SIPA1L2: variants seen among roughly 807,000 people sequenced by gnomAD.
SIPA1L2 encodes signal-induced proliferation-associated 1-like protein 2.
Under a neutral mutation model 163.9 loss-of-function variants are expected in SIPA1L2, and 56 were observed. The observed-to-expected ratio is 0.34, with a 90% confidence interval of 0.28 to 0.43. The LOEUF (loss-of-function observed/expected upper bound fraction) is 0.43. SIPA1L2 is among the 20% of genes least tolerant of loss of function. The pLI is 1.00. For synonymous variants in SIPA1L2, 877 were observed against 865.7 expected, an observed-to-expected ratio of 1.01 and a Z score of -0.23; for missense variants, 1,974 against 2,193.5, an observed-to-expected ratio of 0.90 and a Z score of 2.00.
intron 1 of SIPA1L2, among the ~76,000 whole-genome samples, chr1:232,574,964 A>G (rs985416276): frequency 2.6e-5 from 4 of 152,216 alleles, no homozygotes; most frequent in Non-Finnish European, 5.9e-5. Context: ...CACTCAAGAG[A>G]CTGGTTATTT....
At chr1:232,462,325 A>G (rs930746245) in intron 9 of SIPA1L2, 6 of 1,544,628 alleles carry the variant, frequency 3.9e-6, no homozygotes, top group Non-Finnish European at 5.2e-6. Flanking sequence ...CCCAGAGGCA[A>G]TGTATGAAGT....
At position 232,398,955 on chromosome 1, in the gene SIPA1L2, G is replaced by T. The variant is rs1475502169; in HGVS notation, c.*172C>A. On this transcript the variant is annotated 3_prime_UTR_variant, in exon 23 of 23. Transcript: ENST00000674635. ...CACATCGGCGCTGCTCTCTGCCGTG[G>T]TTACCGAGAAAGAGTCGAGGCTCCC... The T allele has an allele frequency of 1.2e-6, 1 of 803,784 alleles. No homozygotes were observed. The highest frequency in any genetic ancestry group is 1.7e-5 in the African/African-American group (1 of 57,600). 49.8% of individuals were successfully genotyped at this position (803,784 alleles called of 1,614,324 possible). A position where few individuals can be genotyped will look rare whatever the true frequency, so the allele number is the denominator to read the frequency against.
At chr1:232,498,863 G>A (rs1029693188) in intron 3 of SIPA1L2, among the ~76,000 whole-genome samples, 1 of 152,110 alleles carries the variant, frequency 6.6e-6, no homozygotes, top group African/African-American at 2.4e-5. Context: ...TTGCCATGAG[G>A]GAGTGTACAC....
In SIPA1L2 at chr1:232,445,687, C is replaced by T. The variant is rs372853782; in HGVS notation, c.3195G>A (p.Thr1065=). The change falls in exon 11 of 23, where the codon ACG becomes ACA. Residue 1065 remains threonine (T), a synonymous_variant. Transcript: ENST00000674635. ...EYKTPFRRNT[T]WHRVPTPALQ... ...GGGCAGGAGTGGGCACCCGGTGCCA[C>T]GTGGTGTTCCTCCTGAAGGGGGTTT... The T allele has an allele frequency of 9.9e-6, 16 of 1,613,304 alleles. No individual in the cohort carries two copies. The highest frequency in any genetic ancestry group is 3.3e-5 in the South Asian group (3 of 91,018).
chr1:232,630,154 C>T (rs976089807), upstream of SIPA1L2, among the ~76,000 whole-genome samples: 1 of 151,480 alleles, frequency 6.6e-6, no homozygotes, highest in East Asian at 1.9e-4. Context: ...CTCCCGATGC[C>T]ACCGCCCGCC....
chr1:232,435,752 G>C (rs1204574156), intron 15 of SIPA1L2, among the ~76,000 whole-genome samples: 2 of 152,182 alleles, frequency 1.3e-5, no homozygotes, highest in African/African-American at 2.4e-5. Context: ...AAATGTGTTT[G>C]CTAAATTAAA....
At chr1:232,507,628 G>C (rs910885578) in intron 3 of SIPA1L2, among the ~76,000 whole-genome samples, 1 of 152,162 alleles carries the variant, frequency 6.6e-6, no homozygotes, top group Non-Finnish European at 1.5e-5. Flanking sequence ...TAGAGGTATT[G>C]CATCTACAAG....
At chr1:232,524,751 T>A (rs1485678027) in intron 2 of SIPA1L2, among the ~76,000 whole-genome samples, 1 of 152,130 alleles carries the variant, frequency 6.6e-6, no homozygotes, top group Non-Finnish European at 1.5e-5. Context: ...CAGAAAGGTT[T>A]ATATAAGGCA....
chr1:232,437,697 T>C (rs1226503030), intron 15 of SIPA1L2, among the ~76,000 whole-genome samples: 1 of 152,050 alleles, frequency 6.6e-6, no homozygotes, highest in Admixed American at 6.5e-5. Context: ...TGCTACCCCC[T>C]AACCACGTGA....
intron 15 of SIPA1L2, among the ~76,000 whole-genome samples, chr1:232,436,868 C>A (rs1476031400): frequency 6.6e-6 from 1 of 152,142 alleles, no homozygotes; most frequent in Non-Finnish European, 1.5e-5. Flanking sequence ...GCCTAGGATG[C>A]AAGTTGAAAT....
At chr1:232,600,030 C>T (rs1038263991) in intron 1 of SIPA1L2, among the ~76,000 whole-genome samples, 4 of 152,374 alleles carry the variant, frequency 2.6e-5, no homozygotes, top group East Asian at 1.9e-4. Flanking sequence ...TGCCAGAACA[C>T]GGGCACTAAT....
rs201643053 is a variant in SIPA1L2, at chr1:232,399,386, G to A, written c.5023-113C>T. On this transcript the variant is annotated intron_variant, in intron 22 of 22. Coordinates refer to ENST00000674635, the MANE Select transcript of SIPA1L2 (RefSeq NM_020808.5). ...ATTTTTACTTATGTACTTTTTGAGG[G>A]GAGAAGGGGTGACTTTCTTTAGTGA... is the stretch of plus-strand genomic sequence containing the variant. 8.1e-5 allele frequency: 96 copies of A among 1,192,298 alleles called. No individual in the cohort carries two copies. The East Asian group carries it at 2.4e-3, about 30-fold the overall frequency. 73.9% of individuals were successfully genotyped at this position (1,192,298 alleles called of 1,614,324 possible).
At chr1:232,627,976 AGT>A (rs914588152) in intron 1 of SIPA1L2, among the ~76,000 whole-genome samples, 14 of 152,214 alleles carry the variant, frequency 9.2e-5, no homozygotes, top group African/African-American at 3.4e-4. Context: ...GAACAAATTC[AGT>A]ATGTCTTATT....
At chr1:232,479,390 T>A (rs1207388515) in intron 7 of SIPA1L2, among the ~76,000 whole-genome samples, 1 of 152,222 alleles carries the variant, frequency 6.6e-6, no homozygotes. Flanking sequence ...AAGATTTTGC[T>A]TAGCAAGCAA....
chr1:232,435,690 G>T (rs1662519882), intron 15 of SIPA1L2, among the ~76,000 whole-genome samples: 2 of 152,148 alleles, frequency 1.3e-5, no homozygotes, highest in African/African-American at 2.4e-5. Flanking sequence ...CATAAATACT[G>T]CTTGGTATTC....
At chr1:232,598,135 C>T (rs1430309880) in intron 1 of SIPA1L2, among the ~76,000 whole-genome samples, 1 of 151,984 alleles carries the variant, frequency 6.6e-6, no homozygotes, top group Non-Finnish European at 1.5e-5. Flanking sequence ...GGCTCTGTGG[C>T]TCATGCCTGT....
rs537426732 is a variant in SIPA1L2, at chr1:232,480,156, T to C, written c.1982-426A>G. On this transcript the variant is annotated intron_variant, in intron 6 of 22. Coordinates refer to ENST00000674635, the MANE Select transcript of SIPA1L2 (RefSeq NM_020808.5). ...GGCCGCATCTGTGTGTGTGTGTGCG[T>C]GTGTGTGTGTGTGTGTGTGTGTGTG... Among the ~76,000 whole-genome samples the C allele has an allele frequency of 5.5e-3, 571 of 104,250 alleles. 2 individuals carry two copies. The highest frequency in any genetic ancestry group is 7.7e-3 in the Non-Finnish European group (389 of 50,622). The allele number at this position is 104,250 out of a possible 152,430, so 68.4% of individuals were successfully genotyped here. A position where few individuals can be genotyped will look rare whatever the true frequency, so the allele number is the denominator to read the frequency against.
At chr1:232,576,016 T>G (rs1660057839) in intron 1 of SIPA1L2, among the ~76,000 whole-genome samples, 1 of 151,840 alleles carries the variant, frequency 6.6e-6, no homozygotes, top group Non-Finnish European at 1.5e-5. Flanking sequence ...CTGCCAGGGA[T>G]TGGGGTGAGG....
At chr1:232,615,993 T>G (rs770016537) in intron 1 of SIPA1L2, among the ~76,000 whole-genome samples, 1 of 152,152 alleles carries the variant, frequency 6.6e-6, no homozygotes, top group Non-Finnish European at 1.5e-5. Flanking sequence ...ATAAATCCTC[T>G]CCATAATACT....
Sources: allele counts gnomAD v4.1 joint callset (sites outside exome capture counted in the v4.1 genomes callset), GRCh38; gene constraint gnomAD v4.1.1; transcripts MANE v1.5; gene names NCBI Gene and HGNC (gene_info 2026-07-23, HGNC 2026-07-21).